LDLRAD4: variants seen among roughly 807,000 people sequenced by gnomAD.
LDLRAD4 encodes low-density lipoprotein receptor class A domain-containing protein 4.
Under a neutral mutation model 17.0 loss-of-function variants are expected in LDLRAD4, and 5 were observed. The ratio of observed to expected loss-of-function variants is 0.29; its 90% CI spans 0.15 to 0.62. The LOEUF (loss-of-function observed/expected upper bound fraction) is 0.62, where lower values mean the gene tolerates loss of function less well. LDLRAD4 is among the 20% of genes least tolerant of loss of function. LDLRAD4 has a pLI of 0.84. For missense variants in LDLRAD4, 340 were observed against 424.7 expected (o/e 0.80, Z 1.75); for synonymous variants, 168 against 171.8 (o/e 0.98, Z 0.17).
chr18:13,448,677 G>T (rs1189211394), intron 3 of LDLRAD4, among the ~76,000 whole-genome samples: 3 of 152,080 alleles, frequency 2.0e-5, no homozygotes, highest in African/African-American at 4.8e-5. Context: ...CGATAAGGCG[G>T]GAGGTGACGC....
At chr18:13,532,838 C>A (rs1263645320) in intron 3 of LDLRAD4, among the ~76,000 whole-genome samples, 2 of 152,182 alleles carry the variant, frequency 1.3e-5, no homozygotes, top group African/African-American at 4.8e-5. Context: ...GATGGCATGC[C>A]TGGCCCTGCG....
At chr18:13,643,286 T>C in intron 4 of LDLRAD4, 73 bp from the exon 6 acceptor site, 1 of 971,716 alleles carries the variant, frequency 1.0e-6, no homozygotes, top group East Asian at 3.2e-5. Context: ...CTTCATGTTT[T>C]TAGGTGCGGC....
chr18:13,473,388 G>C (rs1354807015), intron 3 of LDLRAD4, among the ~76,000 whole-genome samples: 1 of 152,020 alleles, frequency 6.6e-6, no homozygotes, highest in African/African-American at 2.4e-5. Context: ...ACCTAGTGGG[G>C]GCTGGGCACT....
At chr18:13,410,056 T>C (rs572141729) in intron 2 of LDLRAD4, among the ~76,000 whole-genome samples, 6 of 152,272 alleles carry the variant, frequency 3.9e-5, no homozygotes, top group African/African-American at 1.2e-4. Context: ...CAGAATCTTA[T>C]TCTAATCGTG....
intron 1 of LDLRAD4, among the ~76,000 whole-genome samples, chr18:13,298,223 C>A (rs2046376500): frequency 6.6e-6 from 1 of 152,230 alleles, no homozygotes; most frequent in Admixed American, 6.5e-5. Flanking sequence ...AGGAAGCCAG[C>A]ATTATGGTCC....
intron 3 of LDLRAD4, among the ~76,000 whole-genome samples, chr18:13,439,971 C>G (rs2090921183): frequency 6.6e-6 from 1 of 152,228 alleles, no homozygotes; most frequent in East Asian, 1.9e-4. Context: ...CTTAGAGCAG[C>G]ATATTCCAGG....
chr18:13,252,833 G>A (rs2145842958), intron 1 of LDLRAD4, among the ~76,000 whole-genome samples: 1 of 152,386 alleles, frequency 6.6e-6, no homozygotes, highest in African/African-American at 2.4e-5. Context: ...CTGGCTCTGA[G>A]CCCTTCTGCG....
At chr18:13,550,368 C>T (rs534515475) in intron 3 of LDLRAD4, among the ~76,000 whole-genome samples, 89 of 152,300 alleles carry the variant, frequency 5.8e-4, no homozygotes, top group Non-Finnish European at 1.2e-3. Context: ...AAAAAACCTT[C>T]AACTGGTTGG....
chr18:13,412,417 C>CTT (rs1304338715), intron 2 of LDLRAD4, among the ~76,000 whole-genome samples: 9 of 152,144 alleles, frequency 5.9e-5, no homozygotes, highest in Admixed American at 5.9e-4. Context: ...TAATATCTCC[C>CTT]TTATAAAGAA....
intron 3 of LDLRAD4, among the ~76,000 whole-genome samples, chr18:13,499,588 C>T (rs1429475761): frequency 6.6e-6 from 1 of 151,438 alleles, no homozygotes; most frequent in Non-Finnish European, 1.5e-5. Context: ...TCCTTCTCGC[C>T]ACACACATCC....
chr18:13,386,590 G>A (rs1484882706), intron 1 of LDLRAD4, among the ~76,000 whole-genome samples: 3 of 152,064 alleles, frequency 2.0e-5, no homozygotes, highest in South Asian at 2.1e-4. Flanking sequence ...GGCTGATCTC[G>A]AACTCCTGAC....
At chr18:13,387,212 C>T (rs2085907005) in intron 1 of LDLRAD4, 129 bp from the exon 3 acceptor site, 1 of 153,108 alleles carries the variant, frequency 6.5e-6, no homozygotes, top group Non-Finnish European at 1.5e-5. Context: ...CTGGCAGCCC[C>T]TGTGGGAGCC....
At chr18:13,364,374 G>A (rs1046927969) in intron 1 of LDLRAD4, among the ~76,000 whole-genome samples, 1 of 151,946 alleles carries the variant, frequency 6.6e-6, no homozygotes, top group African/African-American at 2.4e-5. Flanking sequence ...GTCTTGCTCT[G>A]TCACCCAGGC....
intron 1 of LDLRAD4, among the ~76,000 whole-genome samples, chr18:13,336,365 G>A (rs536384422): frequency 2.0e-5 from 3 of 152,284 alleles, no homozygotes; most frequent in Non-Finnish European, 2.9e-5. Flanking sequence ...TGGCCTGGGT[G>A]CCTTTTCAGG....
chr18:13,636,837 G>T (rs777907367), intron 4 of LDLRAD4, among the ~76,000 whole-genome samples: 1 of 149,832 alleles, frequency 6.7e-6, no homozygotes, highest in Non-Finnish European at 1.5e-5. Context: ...CGCTCTTGTC[G>T]CCCAGGCTGA....
intron 3 of LDLRAD4, among the ~76,000 whole-genome samples, chr18:13,588,574 A>T (rs1785201): frequency 0.81 from 122,373 of 151,174 alleles, 49,646 homozygotes; most frequent in Non-Finnish European, 0.85. Context: ...TTAGCATGTT[A>T]TTTTTTTTAG....
chr18:13,256,434 C>A (rs2043507613), intron 1 of LDLRAD4, among the ~76,000 whole-genome samples: 1 of 152,208 alleles, frequency 6.6e-6, no homozygotes, highest in Non-Finnish European at 1.5e-5. Context: ...TGGACCCCAT[C>A]CCCCCATCAA....
intron 3 of LDLRAD4, chr18:13,491,253 A>G (rs573632954): frequency 3.0e-4 from 45 of 152,356 alleles, no homozygotes; most frequent in African/African-American, 1.0e-3. Context: ...CGATGAAAGC[A>G]TCCCAAGACC....
intron 3 of LDLRAD4, among the ~76,000 whole-genome samples, chr18:13,476,638 TCC>T (rs2092947849): frequency 7.9e-6 from 1 of 126,080 alleles, no homozygotes; most frequent in Non-Finnish European, 1.8e-5. Context: ...AAAAAAAAAA[TCC>T]AGTCATATTT....
Sources: allele counts gnomAD v4.1 joint callset (sites outside exome capture counted in the v4.1 genomes callset), GRCh38; gene constraint gnomAD v4.1.1; transcripts MANE v1.5; gene names NCBI Gene and HGNC (gene_info 2026-07-23, HGNC 2026-07-21).